The following PCLO variants were observed in gnomAD, a reference collection of about 807,000 sequenced individuals.
PCLO encodes piccolo presynaptic cytomatrix protein.
PCLO carries 82 observed loss-of-function variants against 427.5 expected under a neutral mutation model. The ratio of observed to expected loss-of-function variants is 0.19; its 90% CI spans 0.16 to 0.23. The LOEUF is 0.23. Ranked by LOEUF, PCLO falls within the 10% of genes least tolerant of loss-of-function variation. The pLI is 1.00. For missense variants in PCLO, 6,239 were observed against 6,115.9 expected (o/e 1.02, Z -0.67); for synonymous variants, 2,357 against 2,155.4 (o/e 1.09, Z -2.59).
At chr7:82,901,992 T>C (rs1390752931) in intron 9 of PCLO, among the ~76,000 whole-genome samples, 1 of 151,540 alleles carries the variant, frequency 6.6e-6, no homozygotes. Flanking sequence ...TGTAAACTAG[T>C]TCAACCATTG....
intron 21 of PCLO, 41 bp downstream of exon 21, chr7:82,805,647 T>C (rs747502264): frequency 6.3e-7 from 1 of 1,594,958 alleles, no homozygotes; most frequent in South Asian, 1.1e-5. Context: ...TTACTCATGA[T>C]GCTGAGTAAG....
intron 9 of PCLO, among the ~76,000 whole-genome samples, chr7:82,885,714 A>G (rs1352372864): frequency 6.6e-6 from 1 of 152,030 alleles, no homozygotes; most frequent in Non-Finnish European, 1.5e-5. Context: ...TAATATATGC[A>G]TATTGTATTC....
At chr7:82,758,780 A>G in intron 24 of PCLO, 65 bp from the exon 25 acceptor site, 5 of 981,828 alleles carry the variant, frequency 5.1e-6, no homozygotes, top group Non-Finnish European at 7.6e-6. Context: ...ATAGTTTTCA[A>G]CCTTTTTTAA....
chr7:83,113,872 C>G (rs1791066129), intron 3 of PCLO, among the ~76,000 whole-genome samples: 1 of 151,974 alleles, frequency 6.6e-6, no homozygotes, highest in African/African-American at 2.4e-5. Flanking sequence ...CAGAGTAGAC[C>G]TCATTGAAAT....
rs772016756 is a variant in PCLO, at chr7:82,956,597, A to C, written c.4356T>G (p.Thr1452=). ...SPEQPKDQEK[T]QSLSETLEIT... Reference sequence around the variant, plus strand: ...TTTCCAAGGTTTCAGATAAACTCTGAGTTTTCTCTTGGTCTTTAGGCTGTT... The same window carrying C: ...TTTCCAAGGTTTCAGATAAACTCTGCGTTTTCTCTTGGTCTTTAGGCTGTT... The change falls in exon 5 of 25, where the codon ACT becomes ACG. Residue 1452 remains threonine, a synonymous_variant. Transcript: ENST00000333891. The C allele has an allele frequency of 6.2e-7, 1 of 1,613,466 alleles. No homozygotes were observed. The highest frequency in any genetic ancestry group is 1.7e-5 in the Admixed American group (1 of 59,908).
chr7:82,824,512 A>G (rs1791885358), intron 18 of PCLO, 96 bp from the exon 19 acceptor site: 1 of 705,610 alleles, frequency 1.4e-6, no homozygotes, highest in East Asian at 2.8e-5. Flanking sequence ...AAGGATATAA[A>G]CCAAGGAATA....
In PCLO at chr7:82,949,540, T is replaced by C. The variant is rs1223826555; in HGVS notation, c.11048A>G (p.Lys3683Arg). The change falls in exon 6 of 25, where the codon AAG becomes AGG. Residue 3683 changes from lysine (K) to arginine (R), a missense_variant. This residue lies in a region of PCLO where 4,677 missense variants were observed against 4,468.4 expected (regional missense o/e 1.05). Coordinates refer to ENST00000333891, the MANE Select transcript of PCLO (RefSeq NM_033026.6). The stretch of plus-strand genomic sequence containing the variant: ...TTCGTCTGCTGTTGGACTCAGAGGC[T>C]TGGGGTCAGACATAGAACGCTGCAT... ...KMMQRSMSDP[K>R]PLSPTADESS... The C allele has an allele frequency of 1.9e-6, 3 of 1,613,724 alleles. No homozygotes were observed. The highest frequency in any genetic ancestry group is 4.5e-5 in the East Asian group (2 of 44,866).
At chr7:82,994,428 A>C (rs982274271) in intron 3 of PCLO, among the ~76,000 whole-genome samples, 1 of 152,026 alleles carries the variant, frequency 6.6e-6, no homozygotes, top group Non-Finnish European at 1.5e-5. Flanking sequence ...TTAAGTAACG[A>C]AAAGGGTAAG....
intron 2 of PCLO, among the ~76,000 whole-genome samples, chr7:83,142,096 T>C (rs1292518596): frequency 6.6e-6 from 1 of 151,842 alleles, no homozygotes; most frequent in Non-Finnish European, 1.5e-5. Flanking sequence ...CTCTCTTCTA[T>C]GTAACTCTAA....
In PCLO at chr7:82,755,031, A is replaced by C. The variant is rs974127846; in HGVS notation, c.*3544T>G. 6 of 152,108 alleles carry C rather than the reference A, an allele frequency of 3.9e-5. No individual in the cohort carries two copies. The highest frequency in any genetic ancestry group is 8.8e-5 in the Non-Finnish European group (6 of 67,988). The allele number at this position is 152,108 out of a possible 1,614,324, so 9.4% of individuals were successfully genotyped here. On this transcript the variant is annotated 3_prime_UTR_variant, in exon 25 of 25. Transcript: ENST00000333891. Reference sequence around the variant, plus strand: ...AATGAAATGAAGCATTGATCAAATAATTTCTAATAAATTGGGCACAATATA... The same window carrying C: ...AATGAAATGAAGCATTGATCAAATACTTTCTAATAAATTGGGCACAATATA...
At chr7:83,073,846 A>T (rs2116366351) in intron 3 of PCLO, among the ~76,000 whole-genome samples, 1 of 151,234 alleles carries the variant, frequency 6.6e-6, no homozygotes, top group African/African-American at 2.4e-5. Context: ...AAAATTTTTT[A>T]TTGAAATCAT....
At chr7:82,897,018 T>TAAGA (rs1409719179) in intron 9 of PCLO, among the ~76,000 whole-genome samples, 2 of 151,562 alleles carry the variant, frequency 1.3e-5, no homozygotes, top group African/African-American at 4.8e-5. Flanking sequence ...GAGTTTTAAA[T>TAAGA]AAGAAAAAAA....
intron 9 of PCLO, among the ~76,000 whole-genome samples, chr7:82,883,633 T>C (rs1793562021): frequency 6.6e-6 from 1 of 152,180 alleles, no homozygotes; most frequent in Non-Finnish European, 1.5e-5. Context: ...AGCACACTCA[T>C]GCCAAGTTTA....
At chr7:82,847,559 A>G (rs1416389140) in intron 10 of PCLO, among the ~76,000 whole-genome samples, 6 of 152,176 alleles carry the variant, frequency 3.9e-5, no homozygotes, top group Admixed American at 3.9e-4. Context: ...TATTGCTCAG[A>G]CCAATTTTGT....
chr7:83,025,978 C>A (rs890924482), intron 3 of PCLO, among the ~76,000 whole-genome samples: 68 of 151,944 alleles, frequency 4.5e-4, no homozygotes, highest in Admixed American at 2.5e-3. Context: ...AAGGAACAAC[C>A]GGTACCAGCC....
At position 82,879,369 on chromosome 7, in the gene PCLO, C is replaced by T; in HGVS notation, c.13622G>A (p.Gly4541Glu). The change falls in exon 10 of 25, where the codon GGA becomes GAA. Residue 4541 changes from glycine to glutamate, a missense_variant. Transcript: ENST00000333891. ...GAYIAKILPGGSAEQTGKLME... is the reference protein window; with the variant it reads ...GAYIAKILPGESAEQTGKLME... ...AAGCTTCCCCGTCTGTTCCGCACTT[C>T]CCCCAGGAAGAATCTTGGCAATATA... is the stretch of plus-strand genomic sequence containing the variant. 2.5e-6 allele frequency: 4 copies of T among 1,612,466 alleles called. No homozygotes were observed. Among genetic ancestry groups the T allele is most frequent in the Non-Finnish European group, 3.4e-6 (4 of 1,178,956 alleles).
At chr7:82,779,667 G>C (rs971232959) in intron 22 of PCLO, among the ~76,000 whole-genome samples, 2 of 151,032 alleles carry the variant, frequency 1.3e-5, no homozygotes, top group African/African-American at 4.9e-5. Flanking sequence ...GGTAGACATA[G>C]GTTTACCACC....
At chr7:83,041,585 CA>C (rs1164865293) in intron 3 of PCLO, among the ~76,000 whole-genome samples, 3 of 152,106 alleles carry the variant, frequency 2.0e-5, no homozygotes, top group African/African-American at 7.2e-5. Context: ...AGAAATCTAG[CA>C]ATAGCATCAT....
At chr7:83,017,887 A>C (rs1006029581) in intron 3 of PCLO, 2 of 151,850 alleles carry the variant, frequency 1.3e-5, no homozygotes, top group African/African-American at 4.8e-5. Context: ...AAAATAAAAA[A>C]CTCTGTGATT....
Sources: allele counts gnomAD v4.1 joint callset (sites outside exome capture counted in the v4.1 genomes callset), GRCh38; gene constraint gnomAD v4.1.1; regional missense constraint gnomAD v4.1.1; transcripts MANE v1.5; gene names NCBI Gene and HGNC (gene_info 2026-07-23, HGNC 2026-07-21).